C2CD5: variants seen among roughly 807,000 people sequenced by gnomAD.
C2CD5 encodes C2 domain-containing protein 5.
A neutral mutation model predicts 130.3 loss-of-function variants in C2CD5; 109 were observed. The ratio of observed to expected loss-of-function variants is 0.84; its 90% CI spans 0.72 to 0.98. The LOEUF (loss-of-function observed/expected upper bound fraction) is 0.98. C2CD5 is among the 50% of genes least tolerant of loss of function. The pLI, the probability that C2CD5 is intolerant of heterozygous loss-of-function variation, is 0.00. For missense variants in C2CD5, 996 were observed against 1,261.8 expected (o/e 0.79, Z 3.19); for synonymous variants, 454 against 429.2 (o/e 1.06, Z -0.71).
intron 9 of C2CD5, chr12:22,512,547 C>T: frequency 1.1e-6 from 1 of 873,750 alleles, no homozygotes; most frequent in Non-Finnish European, 1.7e-6. Context: ...AAAACGCTGT[C>T]AACATTTGCT....
In C2CD5 at chr12:22,518,677, T is replaced by C. The variant is rs982634534; in HGVS notation, c.801-540A>G. On this transcript the variant is annotated intron_variant, in intron 7 of 26. Transcript: ENST00000446597. Reference sequence around the variant, plus strand: ...GAATAGTTGCTTACCTGTTCTCCAATAGCTCTCTTCCACAGAATGAAATAG... The same window carrying C: ...GAATAGTTGCTTACCTGTTCTCCAACAGCTCTCTTCCACAGAATGAAATAG... Among the ~76,000 whole-genome samples, 44 of 152,218 alleles carry C rather than the reference T, an allele frequency of 2.9e-4. 1 individual carries two copies.
At position 22,523,412 on chromosome 12, in the gene C2CD5, T is replaced by G; in HGVS notation, c.800+14A>C. 4 of 1,594,984 alleles carry G rather than the reference T, an allele frequency of 2.5e-6. No homozygotes were observed. The highest frequency in any genetic ancestry group is 3.4e-6 in the Non-Finnish European group (4 of 1,164,112). On this transcript the variant is annotated intron_variant, in intron 7 of 26. Transcript: ENST00000446597. ...AAAATCTTAGCAAGAACAATTTCAT[T>G]GATTCATACTTACTCCTTCATTTCT...
chr12:22,483,048 G>A (rs1390058939), intron 13 of C2CD5, among the ~76,000 whole-genome samples: 2 of 152,100 alleles, frequency 1.3e-5, no homozygotes, highest in South Asian at 2.1e-4. Flanking sequence ...TAACAGGACT[G>A]TTTCTAACAC....
Position 22,474,777 on chromosome 12 carries a change from C to G in C2CD5, c.2017G>C (p.Gly673Arg). 1 of 1,603,186 alleles carries G rather than the reference C, an allele frequency of 6.2e-7. No individual in the cohort carries two copies. The highest frequency in any genetic ancestry group is 1.1e-5 in the South Asian group (1 of 88,312). Residue 673 changes from glycine to arginine, a missense_variant, in exon 16 of 27, where the codon GGG (glycine) becomes CGG (arginine). Physicochemically the swap from Gly to Arg is moderately radical, Grantham distance 125. Coordinates refer to ENST00000446597, the MANE Select transcript of C2CD5 (RefSeq NM_001286176.2). ...DEVTELDLSH[G>R]KKDAFVLEID... ...TCCAAAACAAAAGCATCTTTTTTCC[C>G]ATGTGAAAGGTCTAATTCTGTAACT...
In C2CD5 at chr12:22,454,231, C is replaced by A. The variant is rs370437795; in HGVS notation, c.2878-189G>T. Among the ~76,000 whole-genome samples, 16 of 152,190 alleles carry A rather than the reference C, an allele frequency of 1.1e-4. No homozygotes were observed. The East Asian group carries it at 3.1e-3, about 29-fold the overall frequency. The stretch of plus-strand genomic sequence containing the variant: ...AACATTGACTGAACACATGTCCAGG[C>A]AAGGATTTACTACCTTTACTTTACA... On this transcript the variant is annotated intron_variant, in intron 25 of 26. Transcript: ENST00000446597.
intron 22 of C2CD5, chr12:22,460,526 A>T (rs1940906949): frequency 6.6e-6 from 1 of 152,166 alleles, no homozygotes; most frequent in African/African-American, 2.4e-5. Context: ...TCTACCATAG[A>T]ATGTTGCTGC....
chr12:22,465,105 G>GT (rs1245408650), intron 22 of C2CD5, among the ~76,000 whole-genome samples: 1 of 152,040 alleles, frequency 6.6e-6, no homozygotes, highest in Non-Finnish European at 1.5e-5. Context: ...ATGTATTGTG[G>GT]GTATAAGCCA....
At chr12:22,501,672 T>A (rs1175812284) in intron 10 of C2CD5, among the ~76,000 whole-genome samples, 2 of 152,142 alleles carry the variant, frequency 1.3e-5, no homozygotes, top group Non-Finnish European at 1.5e-5. Context: ...CCCTATGGAT[T>A]TACCGATTGA....
At chr12:22,508,866 T>C (rs574974886) in intron 9 of C2CD5, among the ~76,000 whole-genome samples, 178 of 149,816 alleles carry the variant, frequency 1.2e-3, no homozygotes, top group African/African-American at 4.3e-3. Flanking sequence ...TCTTTATACT[T>C]AAATCTTTTT....
chr12:22,511,248 G>A (rs1208489826), intron 9 of C2CD5, among the ~76,000 whole-genome samples: 1 of 150,682 alleles, frequency 6.6e-6, no homozygotes, highest in Non-Finnish European at 1.5e-5. Flanking sequence ...ATTAAAGAAA[G>A]GAATATAAAA....
Position 22,470,887 on chromosome 12 carries a change from T to G in C2CD5, c.2383A>C (p.Thr795Pro). ...IQVTVTAVAI[T>P]FDKNQALQTT... ...TGTAAAGCCTGATTTTTGTCAAAAG[T>G]GATTGCGACTGCCGTGACTGTAACC... The change falls in exon 21 of 27, where the codon ACT (threonine) becomes CCT (proline). Residue 795 changes from threonine (T) to proline (P), a missense_variant. By Grantham distance (38) the Thr-to-Pro change is conservative. Transcript: ENST00000446597. 1 of 1,612,070 alleles carries G rather than the reference T, an allele frequency of 6.2e-7. No homozygotes were observed. Among genetic ancestry groups the G allele is most frequent in the Non-Finnish European group, 8.5e-7 (1 of 1,178,420 alleles).
intron 9 of C2CD5, among the ~76,000 whole-genome samples, chr12:22,507,223 A>G (rs1239452622): frequency 2.0e-5 from 3 of 152,192 alleles, no homozygotes; most frequent in Admixed American, 2.0e-4. Flanking sequence ...AACACCCAGT[A>G]TAAGACACTG....
chr12:22,493,421 G>A (rs1946612043), intron 10 of C2CD5, 84 bp from the exon 11 acceptor site: 1 of 661,124 alleles, frequency 1.5e-6, no homozygotes, highest in Non-Finnish European at 2.5e-6. Context: ...AACATACTAT[G>A]GGAAGTAAAG....
chr12:22,490,144 AC>A lies in C2CD5; in HGVS notation c.1336del (p.Val446TrpfsTer27), dbSNP rs1946155784. 1 of 1,613,622 alleles carries A rather than the reference AC, an allele frequency of 6.2e-7. No individual in the cohort carries two copies. Among genetic ancestry groups the A allele is most frequent in the African/African-American group, 1.3e-5 (1 of 75,040 alleles). ...LNPRFLQDGT[V>X]EGCLEQRLEE... is the part of the protein sequence containing the mutation. ...CAACCTCTGTTCCAAACAGCCTTCC[AC>A]GGTGCCATCCTGCAGAAATCTAGGA... On this transcript the variant is annotated frameshift_variant, in exon 12 of 27. Transcript: ENST00000446597. LOFTEE classifies it high-confidence loss of function.
chr12:22,510,985 C>A (rs566229601), intron 9 of C2CD5, among the ~76,000 whole-genome samples: 3 of 152,142 alleles, frequency 2.0e-5, no homozygotes, highest in Non-Finnish European at 1.5e-5. Context: ...AATTAAATAT[C>A]TATTTACTTT....
At chr12:22,516,257 G>A (rs1160926986) in intron 8 of C2CD5, among the ~76,000 whole-genome samples, 4 of 151,794 alleles carry the variant, frequency 2.6e-5, no homozygotes, top group Non-Finnish European at 5.9e-5. Context: ...TTTGCCATTT[G>A]AAGTCTCCAT....
chr12:22,509,735 A>G (rs1431413924), intron 9 of C2CD5, among the ~76,000 whole-genome samples: 1 of 152,118 alleles, frequency 6.6e-6, no homozygotes. Flanking sequence ...AACCTTTCCC[A>G]TATGAGGGAA....
At chr12:22,518,261 C>T in intron 7 of C2CD5, 124 bp from the exon 8 acceptor site, 1 of 881,022 alleles carries the variant, frequency 1.1e-6, no homozygotes, top group East Asian at 2.5e-5. Flanking sequence ...ACGTGTGGAG[C>T]TGGGAATGAG....
chr12:22,475,965 T>C (rs1358492156), intron 15 of C2CD5, among the ~76,000 whole-genome samples: 1 of 152,134 alleles, frequency 6.6e-6, no homozygotes, highest in African/African-American at 2.4e-5. Context: ...CACTACTTTT[T>C]ATAATTTTAC....
Sources: allele counts gnomAD v4.1 joint callset (sites outside exome capture counted in the v4.1 genomes callset), GRCh38; gene constraint gnomAD v4.1.1; transcripts MANE v1.5; gene names NCBI Gene and HGNC (gene_info 2026-07-23, HGNC 2026-07-21).